The following TRABD variants were observed in gnomAD, a reference collection of about 807,000 sequenced individuals.
TRABD encodes TraB domain containing, also known as traB domain-containing protein.
Under a neutral mutation model 39.6 loss-of-function variants are expected in TRABD, and 23 were observed. The observed-to-expected ratio is 0.58, with a 90% CI of 0.42 to 0.82. The LOEUF (loss-of-function observed/expected upper bound fraction) is 0.82. Ranked by LOEUF, TRABD falls within the 40% of genes least tolerant of loss-of-function variation. The probability of loss-of-function intolerance (pLI) is 0.00; values close to 1 mark genes in which losing one functional copy is unlikely to be tolerated. For synonymous variants in TRABD, 243 were observed against 232.1 expected (o/e 1.05, Z -0.43); for missense variants, 487 against 544.9 (o/e 0.89, Z 1.06).
intron 1 of TRABD, among the ~76,000 whole-genome samples, chr22:50,191,010 G>T (rs957104787): frequency 3.3e-5 from 5 of 152,216 alleles, no homozygotes; most frequent in Admixed American, 2.6e-4. Flanking sequence ...CCCCATAGGG[G>T]AGCCTGCCTG....
At chr22:50,194,851 G>C in intron 4 of TRABD, 49 bp from the exon 5 acceptor site, 1 of 1,590,718 alleles carries the variant, frequency 6.3e-7, no homozygotes, top group Non-Finnish European at 8.6e-7. Context: ...GCTGTGCTGA[G>C]GGGCAGGGAG....
At position 50,197,916 on chromosome 22, in the gene TRABD, C is replaced by G. The variant is rs1308489609; in HGVS notation, c.765C>G (p.Ile255Met). 1 of 1,613,084 alleles carries G rather than the reference C, an allele frequency of 6.2e-7. No homozygotes were observed. Among genetic ancestry groups the G allele is most frequent in the South Asian group, 1.1e-5 (1 of 91,082 alleles). Residue 255 changes from isoleucine (I) to methionine (M), a missense_variant, in exon 8 of 10, where the codon ATC (isoleucine) becomes ATG (methionine). Ile to Met is a conservative substitution (Grantham distance 10). This residue lies in a region of TRABD where 358 missense variants were observed against 414.7 expected (regional missense o/e 0.86). Coordinates refer to ENST00000380909, the MANE Select transcript of TRABD (RefSeq NM_001320485.2). ...AGTTCCCAGACCTGCACCGCACCAT[C>G]GTCTCGGAGCGCGACGTCTACCTAA... Reference protein sequence around the residue: ...IGEFPDLHRTIVSERDVYLTY... With the variant: ...IGEFPDLHRTMVSERDVYLTY...
intron 2 of TRABD, 104 bp from the exon 3 acceptor site, chr22:50,193,472 G>A (rs1602444526): frequency 5.4e-6 from 6 of 1,106,822 alleles, no homozygotes; most frequent in Admixed American, 1.8e-5. Flanking sequence ...TCCACACAGC[G>A]GCCACGGGTC....
intron 1 of TRABD, among the ~76,000 whole-genome samples, chr22:50,188,261 G>A (rs1033723352): frequency 9.2e-5 from 14 of 151,442 alleles, no homozygotes; most frequent in African/African-American, 2.0e-4. Context: ...CAGCCTGGGC[G>A]ACAGAGTGAC....
intron 1 of TRABD, among the ~76,000 whole-genome samples, chr22:50,188,182 A>T (rs548808125): frequency 1.3e-5 from 2 of 151,936 alleles, no homozygotes; most frequent in South Asian, 4.1e-4. Context: ...CGGGAGGCTG[A>T]GGCAGGAGAA....
chr22:50,197,551 C>G lies in TRABD; in HGVS notation c.634C>G (p.Leu212Val), dbSNP rs2064159203. ...GCTCTCCTTCTGGCAGAAGGTCAGG[C>G]TGGCTTGGGGCCTGTGCTTCCTGTC... Reference protein sequence around the residue: ...AALSFWQKVRLAWGLCFLSDP... With the variant: ...AALSFWQKVRVAWGLCFLSDP... The change falls in exon 7 of 10, where the codon CTG becomes GTG. Residue 212 changes from leucine to valine, a missense_variant. Coordinates refer to ENST00000380909, the MANE Select transcript of TRABD (RefSeq NM_001320485.2). The G allele has an allele frequency of 6.2e-7, 1 of 1,613,552 alleles. No homozygotes were observed. Among genetic ancestry groups the G allele is most frequent in the South Asian group, 1.1e-5 (1 of 91,090 alleles).
Position 50,197,931 on chromosome 22 carries a change from C to A in TRABD, c.780C>A (p.Asp260Glu). The A allele has an allele frequency of 6.2e-7, 1 of 1,613,044 alleles. No individual in the cohort carries two copies. The highest frequency in any genetic ancestry group is 8.5e-7 in the Non-Finnish European group (1 of 1,179,954). ...DLHRTIVSERDVYLTYMLRQA... is the reference protein window; with the variant it reads ...DLHRTIVSEREVYLTYMLRQA... ...ACCGCACCATCGTCTCGGAGCGCGA[C>A]GTCTACCTAACCTACATGCTGCGCC... Residue 260 changes from aspartate to glutamate, a missense_variant, in exon 8 of 10, where the codon GAC (aspartate) becomes GAA (glutamate). By Grantham distance (45) the Asp-to-Glu change is conservative (BLOSUM62 2). This residue lies in a region of TRABD where 358 missense variants were observed against 414.7 expected (regional missense o/e 0.86). Transcript: ENST00000380909.
intron 1 of TRABD, among the ~76,000 whole-genome samples, chr22:50,188,841 C>T (rs951030010): frequency 1.1e-4 from 17 of 152,196 alleles, no homozygotes; most frequent in South Asian, 6.2e-4. Context: ...CCGTCTCTGA[C>T]GCCAAAGGAC....
intron 1 of TRABD, among the ~76,000 whole-genome samples, chr22:50,187,363 T>G (rs1368780630): frequency 6.6e-6 from 1 of 152,222 alleles, no homozygotes; most frequent in Non-Finnish European, 1.5e-5. Context: ...AGGGGTTTCC[T>G]GTGGCCAAAG....
At chr22:50,197,412 G>A (rs776912090) in intron 6 of TRABD, 37 bp from the exon 7 acceptor site, 8 of 1,612,496 alleles carry the variant, frequency 5.0e-6, no homozygotes, top group Non-Finnish European at 6.8e-6. Flanking sequence ...GTGGTCCGGG[G>A]TTCCCACTGC....
Position 50,198,402 on chromosome 22 carries a change from C to T in TRABD, c.1014C>T (p.Phe338=). ...CTCGGTTGGCCGTGAAGGCCGCCTT[C>T]TTCGGCCTGCTGGGCTACAGCCTGT... The part of the protein sequence containing the change: ...RVSRLAVKAA[F]FGLLGYSLYW... Residue 338 remains phenylalanine (F), a synonymous_variant, in exon 10 of 10, where the codon TTC becomes TTT. Coordinates refer to ENST00000380909, the MANE Select transcript of TRABD (RefSeq NM_001320485.2). The surrounding 1 kb of genome is among the most constrained non-coding windows in gnomAD (Gnocchi z 7.9). The T allele has an allele frequency of 1.3e-6, 2 of 1,595,674 alleles. No individual in the cohort carries two copies. The highest frequency in any genetic ancestry group is 1.7e-6 in the Non-Finnish European group (2 of 1,176,808).
In TRABD at chr22:50,198,439, C is replaced by T. The variant is rs532584202; in HGVS notation, c.1051C>T (p.Arg351Cys). 4.2e-5 allele frequency: 67 copies of T among 1,594,144 alleles called. No individual in the cohort carries two copies. Among genetic ancestry groups the T allele is most frequent in the East Asian group, 9.0e-5 (4 of 44,452 alleles). Residue 351 changes from arginine to cysteine, a missense_variant, in exon 10 of 10, where the codon CGC (arginine) becomes TGC (cysteine). This residue lies in a region of TRABD where 123 missense variants were observed against 108.3 expected (regional missense o/e 1.14). Coordinates refer to ENST00000380909, the MANE Select transcript of TRABD (RefSeq NM_001320485.2). The surrounding 1 kb of genome is among the most constrained non-coding windows in gnomAD (Gnocchi z 7.9). ...GGGCTACAGCCTGTACTGGATGGGCCGCCGCACCGCGAGCCTGGTCCTGTC... is the reference window on the plus strand; with the variant it reads ...GGGCTACAGCCTGTACTGGATGGGCTGCCGCACCGCGAGCCTGGTCCTGTC... The part of the protein sequence containing the change: ...LLGYSLYWMG[R>C]RTASLVLSLP...
chr22:50,195,445 T>G lies in TRABD; in HGVS notation c.420+405T>G, dbSNP rs375891345. On this transcript the variant is annotated intron_variant, in intron 5 of 9. Coordinates refer to ENST00000380909, the MANE Select transcript of TRABD (RefSeq NM_001320485.2). ...GACCGGAGAGGCAGGACTTTCTCATTGCTCTTTGTGTTTTCGGTTTTTGTT... is the reference window on the plus strand; with the variant it reads ...GACCGGAGAGGCAGGACTTTCTCATGGCTCTTTGTGTTTTCGGTTTTTGTT... Among the ~76,000 whole-genome samples the G allele has an allele frequency of 9.2e-5, 14 of 151,848 alleles. No individual in the cohort carries two copies. In the East Asian group the frequency reaches 2.7e-3, roughly 29 times the overall value.
chr22:50,194,131 C>T (rs1180087846), intron 3 of TRABD, among the ~76,000 whole-genome samples: 2 of 152,238 alleles, frequency 1.3e-5, no homozygotes, highest in East Asian at 3.9e-4. Context: ...CCTGGCTTCT[C>T]GAAGCCGTGC....
rs1294477297 is a variant in TRABD at position 50,198,558 on chromosome 22, G to A, written c.*39G>A. ...GCCCGCTCGGGCCCCTGAGGAGCCA[G>A]TGCCCCCGCGGCACTTCTGGGTGCC... On this transcript the variant is annotated 3_prime_UTR_variant, in exon 10 of 10. Transcript: ENST00000380909. The surrounding 1 kb of genome is among the most constrained non-coding windows in gnomAD (Gnocchi z 7.9). 2.0e-6 allele frequency: 3 copies of A among 1,468,348 alleles called. No homozygotes were observed. Among genetic ancestry groups the A allele is most frequent in the Non-Finnish European group, 2.7e-6 (3 of 1,113,558 alleles). 91.0% of individuals were successfully genotyped at this position (1,468,348 alleles called of 1,614,324 possible).
Position 50,198,081 on chromosome 22 carries a change from C to A in TRABD, c.851C>A (p.Pro284His). Residue 284 changes from proline (P) to histidine (H), a missense_variant, in exon 9 of 10, where the codon CCC becomes CAC. By Grantham distance (77) the Pro-to-His change is moderately conservative. This residue lies in a region of TRABD where 358 missense variants were observed against 414.7 expected (regional missense o/e 0.86). Coordinates refer to ENST00000380909, the MANE Select transcript of TRABD (RefSeq NM_001320485.2). This position sits in a 1 kb window ranked among gnomAD's most constrained non-coding sequence, Gnocchi z 7.9. ...CCCTTGTCCTTCCCCACAGCCGAGC[C>A]CAGGAAGTGCGTCCCCTCCGTGGTC... ...LELPRASDAE[P>H]RKCVPSVVVG... 6.2e-7 allele frequency: 1 copy of A among 1,612,616 alleles called. No individual in the cohort carries two copies. The highest frequency in any genetic ancestry group is 8.5e-7 in the Non-Finnish European group (1 of 1,179,670).
At position 50,198,023 on chromosome 22, in the gene TRABD, C is replaced by T. The variant is rs762108129; in HGVS notation, c.844+28C>T. On this transcript the variant is annotated intron_variant, in intron 8 of 9. Coordinates refer to ENST00000380909, the MANE Select transcript of TRABD (RefSeq NM_001320485.2). The surrounding 1 kb of genome is among the most constrained non-coding windows in gnomAD (Gnocchi z 7.9). ...GACGGCCGCCCGCAGGCGTGGGACC[C>T]CCTGTGAGGCTGAGGCCCGAGCAGG... 6.2e-7 allele frequency: 1 copy of T among 1,610,820 alleles called. No homozygotes were observed. The highest frequency in any genetic ancestry group is 1.1e-5 in the South Asian group (1 of 90,958).
chr22:50,198,468 G>A lies in TRABD; in HGVS notation c.1080G>A (p.Leu360=), dbSNP rs1254410900. Residue 360 remains leucine, a synonymous_variant, in exon 10 of 10, where the codon CTG becomes CTA. Coordinates refer to ENST00000380909, the MANE Select transcript of TRABD (RefSeq NM_001320485.2). The surrounding 1 kb of genome is among the most constrained non-coding windows in gnomAD (Gnocchi z 7.9). ...GRRTASLVLS[L]PAAQYCLQRV... is the part of the protein sequence containing the mutation. ...GCACCGCGAGCCTGGTCCTGTCGCT[G>A]CCCGCCGCGCAGTACTGCCTGCAGA... 1.9e-6 allele frequency: 3 copies of A among 1,594,832 alleles called. No homozygotes were observed. The highest frequency in any genetic ancestry group is 2.6e-6 in the Non-Finnish European group (3 of 1,176,452).
chr22:50,197,765 C>CCCCCCCCCCCCCCCCGGG, intron 7 of TRABD, 58 bp from the exon 8 acceptor site: 2 of 754,058 alleles, frequency 2.7e-6, no homozygotes, highest in East Asian at 3.7e-5. Flanking sequence ...ACAGTGCCAG[C>CCCCCCCCCCCCCCCCGGG]CCCACCCCCC....
Sources: allele counts gnomAD v4.1 joint callset (sites outside exome capture counted in the v4.1 genomes callset), GRCh38; gene constraint gnomAD v4.1.1; regional missense constraint gnomAD v4.1.1; non-coding constraint Gnocchi (gnomAD v3.1); transcripts MANE v1.5; gene names NCBI Gene and HGNC (gene_info 2026-07-23, HGNC 2026-07-21).